Variants in HERC4 observed in about 807,000 individuals in gnomAD.
HERC4 encodes probable E3 ubiquitin-protein ligase HERC4.
In HERC4, 28 loss-of-function variants were observed where a neutral mutation model predicts 124.3. That is an observed-to-expected ratio of 0.23 (90% CI 0.17 to 0.31). HERC4 has a LOEUF of 0.31. Among genes scored for constraint, HERC4 ranks in the 10% least tolerant of loss-of-function variants. HERC4 has a pLI of 1.00. For synonymous variants in HERC4, 407 were observed against 421.5 expected, an observed-to-expected ratio of 0.97 and a Z score of 0.42; for missense variants, 713 against 1,229.3, an observed-to-expected ratio of 0.58 and a Z score of 6.28.
chr10:68,000,422 A>G (rs1396776283), intron 9 of HERC4, among the ~76,000 whole-genome samples: 2 of 152,064 alleles, frequency 1.3e-5, no homozygotes, highest in African/African-American at 4.8e-5. Flanking sequence ...TACAAAAAAT[A>G]CAAAAAGTTA....
intron 9 of HERC4, among the ~76,000 whole-genome samples, chr10:68,013,336 T>C (rs184432147): frequency 2.6e-5 from 4 of 152,230 alleles, no homozygotes; most frequent in Non-Finnish European, 5.9e-5. Flanking sequence ...ATTTGCTTCA[T>C]TGCAGTGGTC....
intron 7 of HERC4, among the ~76,000 whole-genome samples, chr10:68,028,289 G>A (rs754378244): frequency 2.6e-5 from 4 of 151,290 alleles, no homozygotes; most frequent in Non-Finnish European, 5.9e-5. Flanking sequence ...AACTTCCAAA[G>A]GTAAGCAATA....
At chr10:67,948,093 G>A (rs2033524012) in intron 19 of HERC4, among the ~76,000 whole-genome samples, 1 of 129,234 alleles carries the variant, frequency 7.7e-6, no homozygotes, top group Admixed American at 8.6e-5. Context: ...ACAACTTATA[G>A]GATGCAAAAA....
At chr10:67,952,839 G>A (rs2033891041) in intron 19 of HERC4, among the ~76,000 whole-genome samples, 1 of 151,796 alleles carries the variant, frequency 6.6e-6, no homozygotes, top group East Asian at 2.0e-4. Flanking sequence ...GGCAGAGCTT[G>A]CAGTGAGCCG....
intron 15 of HERC4, among the ~76,000 whole-genome samples, chr10:67,987,405 C>G (rs1746531644): frequency 6.6e-6 from 1 of 152,078 alleles, no homozygotes; most frequent in Non-Finnish European, 1.5e-5. Context: ...TAATAGGGTC[C>G]AGCTGAAAAG....
chr10:67,933,605 CCAAGTTTTTTTTT>C (rs1403276400), intron 22 of HERC4, among the ~76,000 whole-genome samples: 1 of 151,978 alleles, frequency 6.6e-6, no homozygotes, highest in Non-Finnish European at 1.5e-5. Flanking sequence ...CCTTTCAGAA[CCAAGTTTTTTTTT>C]AAAACAAGGA....
chr10:67,965,582 G>C (rs1356300444), intron 16 of HERC4: 3 of 152,170 alleles, frequency 2.0e-5, no homozygotes, highest in Non-Finnish European at 4.4e-5. Flanking sequence ...GATTCCGGAA[G>C]GTGGGAGTAT....
chr10:67,927,091 A>G lies in HERC4; in HGVS notation c.2839-1904T>C, dbSNP rs528241095. 2.6e-3 allele frequency among the ~76,000 whole-genome samples: 394 copies of G among 152,234 alleles called. 1 individual carries two copies. The highest frequency in any genetic ancestry group is 9.2e-3 in the African/African-American group (381 of 41,536). On this transcript the variant is annotated intron_variant, in intron 23 of 24. Transcript: ENST00000373700. ...ACTCTCAATAATTCAAATATGCAAA[A>G]TATTTGCTGTTAGTTGCACACAAGT...
chr10:67,970,868 A>C (rs1044677871), intron 15 of HERC4, among the ~76,000 whole-genome samples: 1 of 152,050 alleles, frequency 6.6e-6, no homozygotes, highest in African/African-American at 2.4e-5. Context: ...TAGAAAAAAA[A>C]AGATCATATT....
rs1564580982 is a variant in HERC4 at position 68,039,902 on chromosome 10, T to G, written c.387-1733A>C. On this transcript the variant is annotated intron_variant, in intron 4 of 24. Coordinates refer to ENST00000373700, the MANE Select transcript of HERC4 (RefSeq NM_015601.4). ...AGTACAATTTTGCAAATGAAACATT[T>G]CAAAATACTACATTCTCACAGTACT... 6 of 988,620 alleles carry G rather than the reference T, an allele frequency of 6.1e-6. No individual in the cohort carries two copies. In the South Asian group the frequency reaches 1.7e-4, roughly 28 times the overall value. 61.2% of individuals were successfully genotyped at this position (988,620 alleles called of 1,614,324 possible).
At chr10:68,018,531 TATAA>T (rs766769602) in intron 8 of HERC4, among the ~76,000 whole-genome samples, 280 of 152,254 alleles carry the variant, frequency 1.8e-3, no homozygotes, top group Non-Finnish European at 2.7e-3. Context: ...ACACGTTAAG[TATAA>T]ATAATAGAAA....
intron 20 of HERC4, among the ~76,000 whole-genome samples, chr10:67,940,724 T>G (rs1359268850): frequency 2.0e-5 from 3 of 152,188 alleles, no homozygotes; most frequent in Non-Finnish European, 4.4e-5. Context: ...GGATTACAGG[T>G]GTGGGCCACT....
intron 15 of HERC4, among the ~76,000 whole-genome samples, chr10:67,983,252 C>G (rs370671598): frequency 6.6e-6 from 1 of 152,090 alleles, no homozygotes; most frequent in Non-Finnish European, 1.5e-5. Flanking sequence ...CTAAAGGGAA[C>G]CTTCGTACAT....
At chr10:67,974,073 TACACACACACACACACACACACACACAC>T (rs57454971) in intron 15 of HERC4, among the ~76,000 whole-genome samples, 42 of 96,052 alleles carry the variant, frequency 4.4e-4, no homozygotes, top group African/African-American at 1.5e-3. Flanking sequence ...AAAATTACTG[TACACACACACACACACACACACACACAC>T]ACACACACAC....
chr10:67,959,220 A>G, intron 16 of HERC4: 1 of 1,280,018 alleles, frequency 7.8e-7, no homozygotes, highest in Admixed American at 2.2e-5. Context: ...TCAAGGTAGC[A>G]TTTCATATAT....
rs559764440 is a variant in HERC4 at position 67,966,857 on chromosome 10, AT to A, written c.1807-56del. ...TTTAACCAGTACTCAAGACAGACAA[AT>A]TTTTTTTATTTTTTGAGACGGAGTC... On this transcript the variant is annotated intron_variant, in intron 15 of 24. Transcript: ENST00000373700. 239 of 1,354,830 alleles carry A rather than the reference AT, an allele frequency of 1.8e-4. No homozygotes were observed. In the African/African-American group the frequency reaches 3.1e-3, roughly 17 times the overall value. The allele number at this position is 1,354,830 out of a possible 1,614,324, so 83.9% of individuals were successfully genotyped here.
At chr10:68,000,573 T>C (rs1430153120) in intron 9 of HERC4, among the ~76,000 whole-genome samples, 1 of 109,050 alleles carries the variant, frequency 9.2e-6, no homozygotes, top group Non-Finnish European at 2.4e-5. Context: ...AGCCAGACTG[T>C]CTCAAAAAAA....
chr10:67,945,306 G>A (rs1211999283), intron 19 of HERC4, among the ~76,000 whole-genome samples: 1 of 152,134 alleles, frequency 6.6e-6, no homozygotes, highest in Non-Finnish European at 1.5e-5. Context: ...CATATTTACA[G>A]TGCTGAAGGA....
chr10:68,007,972 G>T (rs2037679656), intron 9 of HERC4: 2 of 152,432 alleles, frequency 1.3e-5, no homozygotes, highest in South Asian at 4.1e-4. Flanking sequence ...TCCTGCCTCA[G>T]CTTCCTAAGT....
Sources: allele counts gnomAD v4.1 joint callset (sites outside exome capture counted in the v4.1 genomes callset), GRCh38; gene constraint gnomAD v4.1.1; transcripts MANE v1.5; gene names NCBI Gene and HGNC (gene_info 2026-07-23, HGNC 2026-07-21).